The following CPA6 variants were observed in gnomAD, a reference collection of about 807,000 sequenced individuals.
CPA6 encodes the protein carboxypeptidase B.
A neutral mutation model predicts 63.3 loss-of-function variants in CPA6; 58 were observed. That is an observed-to-expected ratio of 0.92 (90% CI 0.74 to 1.14). CPA6 has a LOEUF of 1.14. CPA6 is among the 50% of genes most tolerant of loss of function. The pLI, the probability that CPA6 is intolerant of heterozygous loss-of-function variation, is 0.00. For synonymous variants in CPA6, 185 were observed against 179.0 expected (o/e 1.03, Z -0.27); for missense variants, 565 against 526.6 (o/e 1.07, Z -0.71).
chr8:67,569,501 C>G, intron 2 of CPA6: 1 of 416,002 alleles, frequency 2.4e-6, no homozygotes, highest in Non-Finnish European at 5.0e-6. Flanking sequence ...GTAACAGAAT[C>G]TAACAGTGAT....
chr8:67,426,490 G>A (rs1809888145), intron 10 of CPA6, among the ~76,000 whole-genome samples: 2 of 151,252 alleles, frequency 1.3e-5, no homozygotes, highest in South Asian at 4.2e-4. Flanking sequence ...GTTCTAAAAA[G>A]GTCAACATGA....
intron 2 of CPA6, among the ~76,000 whole-genome samples, chr8:67,621,514 C>A (rs942806467): frequency 5.3e-5 from 8 of 152,180 alleles, no homozygotes; most frequent in African/African-American, 1.9e-4. Context: ...TCCTAGAGGG[C>A]TTGACACCGA....
intron 2 of CPA6, among the ~76,000 whole-genome samples, chr8:67,597,789 G>A (rs1274357672): frequency 6.6e-6 from 1 of 152,160 alleles, no homozygotes; most frequent in East Asian, 1.9e-4. Context: ...GCTGTACAAT[G>A]TCTCTAACTC....
chr8:67,459,640 A>G (rs1050079582), intron 8 of CPA6, among the ~76,000 whole-genome samples: 1 of 152,192 alleles, frequency 6.6e-6, no homozygotes, highest in African/African-American at 2.4e-5. Flanking sequence ...CAGAGCACAG[A>G]AGGTTTTTAG....
At chr8:67,589,909 T>A (rs1389782585) in intron 2 of CPA6, among the ~76,000 whole-genome samples, 2 of 151,860 alleles carry the variant, frequency 1.3e-5, no homozygotes, top group Non-Finnish European at 2.9e-5. Context: ...TATATTACAC[T>A]TTAAGTTTTA....
At chr8:67,723,384 C>T (rs1182753064) in intron 1 of CPA6, among the ~76,000 whole-genome samples, 2 of 152,160 alleles carry the variant, frequency 1.3e-5, no homozygotes. Context: ...CTAGACTTGT[C>T]TCAACCTCCT....
intron 6 of CPA6, among the ~76,000 whole-genome samples, chr8:67,498,950 A>G (rs908948637): frequency 2.6e-5 from 4 of 152,220 alleles, no homozygotes; most frequent in Admixed American, 1.3e-4. Context: ...ACTAAAACCC[A>G]TAAGTTTTGT....
At chr8:67,483,014 C>G (rs908605314) in intron 8 of CPA6, among the ~76,000 whole-genome samples, 2 of 152,082 alleles carry the variant, frequency 1.3e-5, no homozygotes, top group African/African-American at 4.8e-5. Flanking sequence ...GTGGACTAGG[C>G]CTCATTTCTA....
At chr8:67,435,798 G>C (rs1810139203) in intron 8 of CPA6, among the ~76,000 whole-genome samples, 1 of 151,942 alleles carries the variant, frequency 6.6e-6, no homozygotes. Flanking sequence ...GTCCCTCTCT[G>C]GGGGCATGAA....
intron 1 of CPA6, among the ~76,000 whole-genome samples, chr8:67,709,191 C>T (rs1296124754): frequency 2.0e-5 from 3 of 152,206 alleles, no homozygotes; most frequent in African/African-American, 4.8e-5. Flanking sequence ...CACATGCTAG[C>T]AGGCCACTGT....
intron 1 of CPA6, among the ~76,000 whole-genome samples, chr8:67,716,027 A>T (rs573683088): frequency 4.9e-4 from 74 of 151,922 alleles, no homozygotes; most frequent in African/African-American, 1.8e-3. Context: ...GGTGGCAGGC[A>T]CCTGCAATCC....
intron 2 of CPA6, among the ~76,000 whole-genome samples, chr8:67,529,365 T>C (rs1812429865): frequency 1.3e-5 from 2 of 151,918 alleles, no homozygotes; most frequent in South Asian, 4.2e-4. Context: ...AGATGAGAGG[T>C]GGGATATCAA....
chr8:67,586,505 A>G lies in CPA6; in HGVS notation c.192+37671T>C, dbSNP rs896485230. On this transcript the variant is annotated intron_variant, in intron 2 of 10. Coordinates refer to ENST00000297770, the MANE Select transcript of CPA6 (RefSeq NM_020361.5). ...AGCTACGAGTAGAGGTAGGGATCCT[A>G]CTAGTGTATAAAATAAGAAGTATGA... Among the ~76,000 whole-genome samples the G allele has an allele frequency of 7.2e-5, 11 of 152,170 alleles. No individual in the cohort carries two copies. The East Asian group carries it at 1.7e-3, about 24-fold the overall frequency.
intron 8 of CPA6, among the ~76,000 whole-genome samples, chr8:67,466,060 G>C (rs533971560): frequency 6.8e-6 from 1 of 147,278 alleles, no homozygotes; most frequent in Non-Finnish European, 1.5e-5. Flanking sequence ...GAATGTAGCT[G>C]TGGATTCATC....
At chr8:67,588,635 G>C (rs531414647) in intron 2 of CPA6, among the ~76,000 whole-genome samples, 1 of 152,112 alleles carries the variant, frequency 6.6e-6, no homozygotes, top group Non-Finnish European at 1.5e-5. Context: ...TTTAAAAATA[G>C]CTATATCTTT....
At chr8:67,620,753 C>T (rs995787472) in intron 2 of CPA6, among the ~76,000 whole-genome samples, 1 of 152,112 alleles carries the variant, frequency 6.6e-6, no homozygotes, top group Non-Finnish European at 1.5e-5. Context: ...TATCGAAACT[C>T]AATATCTCCA....
chr8:67,578,831 A>G (rs1707846600), intron 2 of CPA6, among the ~76,000 whole-genome samples: 1 of 152,234 alleles, frequency 6.6e-6, no homozygotes, highest in Non-Finnish European at 1.5e-5. Flanking sequence ...ATAAATCTAT[A>G]TCTAAAATAA....
chr8:67,727,332 T>C (rs543202173), intron 1 of CPA6, among the ~76,000 whole-genome samples: 1 of 152,284 alleles, frequency 6.6e-6, no homozygotes, highest in South Asian at 2.1e-4. Context: ...CCCCAAAGTA[T>C]GGTGCTTTGG....
At chr8:67,542,938 T>C (rs755854714) in intron 2 of CPA6, among the ~76,000 whole-genome samples, 6 of 152,238 alleles carry the variant, frequency 3.9e-5, no homozygotes, top group Non-Finnish European at 8.8e-5. Context: ...ATCAAACTGC[T>C]GCTATTTACT....
Sources: allele counts gnomAD v4.1 joint callset (sites outside exome capture counted in the v4.1 genomes callset), GRCh38; gene constraint gnomAD v4.1.1; transcripts MANE v1.5; gene names NCBI Gene and HGNC (gene_info 2026-07-23, HGNC 2026-07-21).